Variants in TOGARAM1 observed in about 807,000 individuals in gnomAD.
TOGARAM1 encodes the protein TOG array regulator of axonemal microtubules 1.
In TOGARAM1, 100 loss-of-function variants were observed where a neutral mutation model predicts 166.6. The ratio of observed to expected loss-of-function variants is 0.60; its 90% confidence interval spans 0.51 to 0.71. TOGARAM1 has a LOEUF of 0.71. TOGARAM1 is among the 30% of genes least tolerant of loss of function. The pLI is 0.00. For missense variants in TOGARAM1, 2,029 were observed against 2,102.7 expected, an observed-to-expected ratio of 0.96 and a Z score of 0.69; for synonymous variants, 758 against 763.8, an observed-to-expected ratio of 0.99 and a Z score of 0.13.
At chr14:45,016,374 G>T (rs566151803) in intron 7 of TOGARAM1, among the ~76,000 whole-genome samples, 6 of 152,256 alleles carry the variant, frequency 3.9e-5, no homozygotes, top group Middle Eastern at 3.4e-3. Context: ...CCAGCCTGGG[G>T]AGACTCTGTC....
In TOGARAM1 at chr14:44,974,488, A is replaced by G. The variant is rs143163214; in HGVS notation, c.2046+10021A>G. 8.5e-5 allele frequency among the ~76,000 whole-genome samples: 13 copies of G among 152,234 alleles called. No homozygotes were observed. The East Asian group carries it at 2.5e-3, about 29-fold the overall frequency. On this transcript the variant is annotated intron_variant, in intron 1 of 19. Coordinates refer to ENST00000361462, the MANE Select transcript of TOGARAM1 (RefSeq NM_001308120.2). The stretch of plus-strand genomic sequence containing the variant: ...GTATGTTAACTTCAACATTCCTGCC[A>G]TATCCAATTCTAGTTATGATGCTTG...
At chr14:45,020,160 A>G (rs1310140912) in intron 7 of TOGARAM1, among the ~76,000 whole-genome samples, 1 of 152,234 alleles carries the variant, frequency 6.6e-6, no homozygotes, top group Non-Finnish European at 1.5e-5. Context: ...GGGAGAATCC[A>G]GGGCATCCAC....
intron 11 of TOGARAM1, among the ~76,000 whole-genome samples, chr14:45,041,200 C>A (rs1467744224): frequency 1.3e-5 from 2 of 151,922 alleles, no homozygotes; most frequent in Non-Finnish European, 2.9e-5. Flanking sequence ...GTCAGGAGTT[C>A]GAGATCACCT....
intron 16 of TOGARAM1, among the ~76,000 whole-genome samples, chr14:45,058,829 T>G (rs199947365): frequency 1.3e-5 from 2 of 152,286 alleles, no homozygotes; most frequent in East Asian, 3.9e-4. Flanking sequence ...TTTCTTTTTC[T>G]CTGTTTTCGT....
At chr14:45,054,321 A>C in intron 15 of TOGARAM1, 110 bp from the exon 16 acceptor site, 1 of 647,398 alleles carries the variant, frequency 1.5e-6, no homozygotes, top group Non-Finnish European at 2.6e-6. Flanking sequence ...TTATTAAAAT[A>C]CTTTCCATCT....
chr14:44,997,493 G>T (rs1239300328), intron 2 of TOGARAM1: 2 of 151,488 alleles, frequency 1.3e-5, no homozygotes, highest in East Asian at 3.9e-4. Flanking sequence ...GGTAGATTGG[G>T]TATAGAATGT....
rs1313880747 is a variant in TOGARAM1, at chr14:45,006,090, G to A, written c.2727G>A (p.Gly909=). The change falls in exon 5 of 20, where the codon GGG becomes GGA. Residue 909 remains glycine, a synonymous_variant. Transcript: ENST00000361462. ...RSPSSRRGLN[G]TKPVPPIPRG... ...CATCTTCCCGACGAGGTCTAAATGG[G>A]ACAAAGCCTGTTCCTCCCATACCAA... 2 of 1,613,726 alleles carry A rather than the reference G, an allele frequency of 1.2e-6. No individual in the cohort carries two copies.
chr14:45,031,152 A>G (rs574534015), intron 10 of TOGARAM1, among the ~76,000 whole-genome samples: 1 of 152,330 alleles, frequency 6.6e-6, no homozygotes, highest in South Asian at 2.1e-4. Context: ...CATGGTTAAT[A>G]AACAATTTTT....
In TOGARAM1 at chr14:45,006,205, G is replaced by A. The variant is rs963770353; in HGVS notation, c.2842G>A (p.Asp948Asn). 9.9e-6 allele frequency: 16 copies of A among 1,613,354 alleles called. No homozygotes were observed. Among genetic ancestry groups the A allele is most frequent in the Non-Finnish European group, 1.2e-5 (14 of 1,179,500 alleles). ...TGATGATATTTGGAAGTGTGAAAAA[G>A]ATAGTCTTCCAATTGATCTTTCAGA... ...EPDDIWKCEK[D>N]SLPIDLSELN... Residue 948 changes from aspartate to asparagine, a missense_variant, in exon 5 of 20, where the codon GAT becomes AAT. Coordinates refer to ENST00000361462, the MANE Select transcript of TOGARAM1 (RefSeq NM_001308120.2).
intron 8 of TOGARAM1, among the ~76,000 whole-genome samples, chr14:45,026,286 G>T (rs569588642): frequency 6.6e-6 from 1 of 152,160 alleles, no homozygotes; most frequent in South Asian, 2.1e-4. Flanking sequence ...TTTTAAGGGG[G>T]CTAAGGGACC....
At chr14:45,009,641 T>A (rs1373496399) in intron 6 of TOGARAM1, among the ~76,000 whole-genome samples, 2 of 152,118 alleles carry the variant, frequency 1.3e-5, no homozygotes, top group South Asian at 2.1e-4. Context: ...TTGTTAGGAG[T>A]CTCCCTACAG....
chr14:45,051,041 C>A (rs1882339568), intron 14 of TOGARAM1, among the ~76,000 whole-genome samples: 1 of 152,196 alleles, frequency 6.6e-6, no homozygotes, highest in Non-Finnish European at 1.5e-5. Context: ...TATAAGACAT[C>A]TGTGTGCTAA....
chr14:45,002,006 A>T (rs1214310689), intron 3 of TOGARAM1, among the ~76,000 whole-genome samples: 1 of 152,174 alleles, frequency 6.6e-6, no homozygotes, highest in Non-Finnish European at 1.5e-5. Flanking sequence ...ATTTTATTGT[A>T]TGTCCTTTAC....
At chr14:45,018,450 G>T (rs774291997) in intron 7 of TOGARAM1, among the ~76,000 whole-genome samples, 7 of 152,036 alleles carry the variant, frequency 4.6e-5, no homozygotes, top group Admixed American at 1.3e-4. Context: ...CACCATGTTG[G>T]CTAGACTAGT....
intron 11 of TOGARAM1, among the ~76,000 whole-genome samples, chr14:45,039,083 AG>A: frequency 6.6e-6 from 1 of 152,152 alleles, no homozygotes; most frequent in African/African-American, 2.4e-5. Flanking sequence ...ATCCACAGGC[AG>A]GTCGTTTTGG....
chr14:44,971,190 G>A (rs1390451004), intron 1 of TOGARAM1, among the ~76,000 whole-genome samples: 1 of 152,054 alleles, frequency 6.6e-6, no homozygotes, highest in Non-Finnish European at 1.5e-5. Context: ...TCTGACTCTG[G>A]TGCTTTCTGT....
chr14:45,017,114 T>C (rs748970633), intron 7 of TOGARAM1, among the ~76,000 whole-genome samples: 47 of 152,118 alleles, frequency 3.1e-4, no homozygotes, highest in Non-Finnish European at 5.9e-4. Context: ...GGTTAGTAAA[T>C]TTCATGACAA....
intron 16 of TOGARAM1, among the ~76,000 whole-genome samples, chr14:45,060,974 C>T (rs533890680): frequency 2.0e-5 from 3 of 152,280 alleles, no homozygotes; most frequent in Admixed American, 6.5e-5. Context: ...CTATTTCTCA[C>T]CATACATATG....
At chr14:45,028,432 C>A in intron 10 of TOGARAM1, 103 bp downstream of exon 10, 1 of 1,234,864 alleles carries the variant, frequency 8.1e-7, no homozygotes, top group Admixed American at 2.5e-5. Flanking sequence ...AATGAAATAT[C>A]TTATATAACA....
Sources: allele counts gnomAD v4.1 joint callset (sites outside exome capture counted in the v4.1 genomes callset), GRCh38; gene constraint gnomAD v4.1.1; transcripts MANE v1.5; gene names NCBI Gene and HGNC (gene_info 2026-07-23, HGNC 2026-07-21).